ERC2: variants seen among roughly 807,000 people sequenced by gnomAD.
ERC2 encodes ERC protein 2.
In ERC2, 42 loss-of-function variants were observed where a neutral mutation model predicts 114.8. The observed-to-expected ratio is 0.37, with a 90% CI of 0.29 to 0.47. The LOEUF (loss-of-function observed/expected upper bound fraction) is 0.47. Ranked by LOEUF, ERC2 falls within the 20% of genes least tolerant of loss-of-function variation. The probability of loss-of-function intolerance (pLI) is 0.99; values close to 1 mark genes in which losing one functional copy is unlikely to be tolerated. For synonymous variants in ERC2, 454 were observed against 425.5 expected, an observed-to-expected ratio of 1.07 and a Z score of -0.82; for missense variants, 939 against 1,150.7, an observed-to-expected ratio of 0.82 and a Z score of 2.66.
At chr3:55,596,225 A>G (rs1431790993) in intron 17 of ERC2, among the ~76,000 whole-genome samples, 1 of 152,252 alleles carries the variant, frequency 6.6e-6, no homozygotes, top group Non-Finnish European at 1.5e-5. Context: ...AACATGCGAA[A>G]TAAGAAGAGT....
chr3:56,328,011 A>G (rs2057444169), intron 2 of ERC2, among the ~76,000 whole-genome samples: 2 of 152,222 alleles, frequency 1.3e-5, no homozygotes, highest in Admixed American at 6.5e-5. Context: ...TCTAGCCTTC[A>G]TCTTCAAGGC....
chr3:55,771,601 G>C (rs1034015405), intron 14 of ERC2, among the ~76,000 whole-genome samples: 1 of 152,194 alleles, frequency 6.6e-6, no homozygotes, highest in African/African-American at 2.4e-5. Context: ...CAGAAATGCT[G>C]AGGCATAAAC....
chr3:56,097,471 G>A (rs534759824), intron 6 of ERC2, among the ~76,000 whole-genome samples: 14 of 152,026 alleles, frequency 9.2e-5, no homozygotes, highest in Admixed American at 2.6e-4. Context: ...TTCATCCTGC[G>A]AATTTTCTAT....
chr3:56,053,094 C>T (rs1246442757), intron 7 of ERC2, among the ~76,000 whole-genome samples: 1 of 152,198 alleles, frequency 6.6e-6, no homozygotes. Context: ...CAGCTTTGTG[C>T]AGAATCAAGG....
intron 17 of ERC2, among the ~76,000 whole-genome samples, chr3:55,546,779 G>A (rs1194177091): frequency 6.6e-6 from 1 of 152,146 alleles, no homozygotes; most frequent in African/African-American, 2.4e-5. Flanking sequence ...AGGCCTCTCC[G>A]GTACCAGAGA....
chr3:56,037,065 A>C (rs1441475387), intron 7 of ERC2, among the ~76,000 whole-genome samples: 1 of 152,228 alleles, frequency 6.6e-6, no homozygotes, highest in East Asian at 1.9e-4. Context: ...AAGATCAAGC[A>C]AAGGTAGATA....
chr3:55,733,536 TCTCTCTCA>T (rs753319692), intron 15 of ERC2, among the ~76,000 whole-genome samples: 2,890 of 68,502 alleles, frequency 0.042, 68 homozygotes, highest in South Asian at 0.078. Flanking sequence ...ATTCTTTCTC[TCTCTCTCA>T]CACACACACA....
intron 14 of ERC2, among the ~76,000 whole-genome samples, chr3:55,839,081 T>G (rs1270108457): frequency 1.3e-5 from 2 of 151,416 alleles, no homozygotes; most frequent in Non-Finnish European, 3.0e-5. Context: ...AAGAGAAATT[T>G]TAAAAGGAGT....
chr3:55,748,511 T>C (rs916168123), intron 14 of ERC2, among the ~76,000 whole-genome samples: 1 of 152,182 alleles, frequency 6.6e-6, no homozygotes, highest in Non-Finnish European at 1.5e-5. Flanking sequence ...TCCACAGTCA[T>C]GAGACAGACA....
chr3:56,393,531 C>T (rs1227016171), intron 2 of ERC2, among the ~76,000 whole-genome samples: 1 of 152,180 alleles, frequency 6.6e-6, no homozygotes, highest in Non-Finnish European at 1.5e-5. Flanking sequence ...CCATGTAACA[C>T]AATTGTAATT....
intron 13 of ERC2, among the ~76,000 whole-genome samples, chr3:55,900,325 T>C (rs900812422): frequency 5.3e-5 from 8 of 152,212 alleles, no homozygotes; most frequent in Non-Finnish European, 1.0e-4. Context: ...TATAATTTTG[T>C]TTCTTCAGCA....
chr3:56,366,935 G>A (rs1204204367), intron 2 of ERC2, among the ~76,000 whole-genome samples: 1 of 152,182 alleles, frequency 6.6e-6, no homozygotes, highest in Non-Finnish European at 1.5e-5. Flanking sequence ...TGGTTTTCTT[G>A]TTGGGAGGGC....
chr3:55,783,839 A>G (rs1009272687), intron 14 of ERC2, among the ~76,000 whole-genome samples: 1 of 152,242 alleles, frequency 6.6e-6, no homozygotes, highest in African/African-American at 2.4e-5. Context: ...TGGCTTTAAA[A>G]GGACGGGACA....
At chr3:55,960,330 C>T (rs2068272194) in intron 12 of ERC2, among the ~76,000 whole-genome samples, 1 of 152,168 alleles carries the variant, frequency 6.6e-6, no homozygotes, top group Non-Finnish European at 1.5e-5. Flanking sequence ...CTTTCAGTTG[C>T]AATAACACAG....
chr3:56,391,217 A>T lies in ERC2; in HGVS notation c.657+43134T>A, dbSNP rs562153829. On this transcript the variant is annotated intron_variant, in intron 2 of 17. Coordinates refer to ENST00000288221, the MANE Select transcript of ERC2 (RefSeq NM_015576.3). ...ACTTCAAATTATTCTCCACTGAAAG[A>T]CTGTCATAAGAAGGAGGAGGCTGAA... is the stretch of plus-strand genomic sequence containing the variant. Among the ~76,000 whole-genome samples the T allele has an allele frequency of 4.6e-5, 7 of 152,282 alleles. No individual in the cohort carries two copies. The South Asian group carries it at 1.2e-3, about 27-fold the overall frequency.
chr3:56,394,253 C>T (rs970503840), intron 2 of ERC2, among the ~76,000 whole-genome samples: 6 of 152,172 alleles, frequency 3.9e-5, no homozygotes, highest in Non-Finnish European at 8.8e-5. Context: ...GAATCTCAAA[C>T]TATGGAGATG....
At chr3:56,210,819 T>C (rs567328746) in intron 3 of ERC2, among the ~76,000 whole-genome samples, 3 of 152,276 alleles carry the variant, frequency 2.0e-5, no homozygotes, top group Non-Finnish European at 2.9e-5. Flanking sequence ...ATCTACCATA[T>C]GACAAGAAAG....
intron 17 of ERC2, among the ~76,000 whole-genome samples, chr3:55,619,689 T>C (rs1354600432): frequency 6.6e-6 from 1 of 152,200 alleles, no homozygotes; most frequent in African/African-American, 2.4e-5. Flanking sequence ...GGTAGACATG[T>C]ACAAAAATTT....
intron 13 of ERC2, among the ~76,000 whole-genome samples, chr3:55,901,057 A>G (rs547407228): frequency 6.6e-6 from 1 of 152,344 alleles, no homozygotes; most frequent in East Asian, 1.9e-4. Context: ...CCAGGACCAC[A>G]AGACCCTCAA....
Sources: gnomAD v4.1 joint callset for allele counts (sites outside exome capture counted in the v4.1 genomes callset) on GRCh38, gnomAD v4.1.1 for gene constraint, MANE v1.5 for transcripts, NCBI Gene and HGNC (gene_info 2026-07-23, HGNC 2026-07-21) for gene names.